DNMT3A: variants seen among roughly 807,000 people sequenced by gnomAD.
DNMT3A encodes the protein DNA (cytosine-5)-methyltransferase 3A.
DNMT3A carries 267 observed loss-of-function variants against 117.6 expected under a neutral mutation model. The observed-to-expected ratio is 2.27, with a 90% CI of 2.05 to 2.51. The LOEUF (loss-of-function observed/expected upper bound fraction) is 2.51, where lower values mean the gene tolerates loss of function less well. Among genes scored for constraint, DNMT3A ranks in the 30% most tolerant of loss-of-function variants. The pLI is 0.00. For missense variants in DNMT3A, 1,029 were observed against 1,260.2 expected (o/e 0.82, Z 2.78); for synonymous variants, 432 against 474.8 (o/e 0.91, Z 1.17).
chr2:25,285,093 T>C (rs540244013), intron 3 of DNMT3A, among the ~76,000 whole-genome samples: 18 of 152,294 alleles, frequency 1.2e-4, no homozygotes, highest in East Asian at 7.7e-4. Flanking sequence ...CGTGTTTCCA[T>C]GGGACGGAGT....
At chr2:25,258,959 CCAA>C (rs1350678063) in intron 6 of DNMT3A, among the ~76,000 whole-genome samples, 1 of 152,110 alleles carries the variant, frequency 6.6e-6, no homozygotes. Flanking sequence ...ATGGGGGAGC[CCAA>C]CTGCTGGAAA....
At chr2:25,312,993 G>C (rs2034200834) in intron 2 of DNMT3A, among the ~76,000 whole-genome samples, 1 of 152,318 alleles carries the variant, frequency 6.6e-6, no homozygotes, top group African/African-American at 2.4e-5. Flanking sequence ...GGGGAACTGT[G>C]GACAGAGGCA....
intron 1 of DNMT3A, among the ~76,000 whole-genome samples, chr2:25,322,369 C>A (rs868018487): frequency 1.3e-5 from 2 of 152,054 alleles, no homozygotes; most frequent in Admixed American, 6.6e-5. Context: ...ATGAAATCAT[C>A]ACGTCCCACA....
intron 1 of DNMT3A, among the ~76,000 whole-genome samples, chr2:25,340,528 G>A (rs561958058): frequency 1.5e-3 from 228 of 152,072 alleles, no homozygotes; most frequent in African/African-American, 5.4e-3. Flanking sequence ...GGGAGGGAAG[G>A]CAGGGCGGCC....
Position 25,293,032 on chromosome 2 carries a change from C to A in DNMT3A, c.177+7107G>T, listed in dbSNP as rs1296416511. On this transcript the variant is annotated intron_variant, in intron 3 of 22. Transcript: ENST00000321117. This position sits in a 1 kb window ranked among gnomAD's most constrained non-coding sequence, Gnocchi z 4.7. ...TTTGGAAAAAAAAAAAAAGGAGATT[C>A]TGAGATTCTACTTAAATGCTCCCCA... Among the ~76,000 whole-genome samples, 3 of 151,936 alleles carry A rather than the reference C, an allele frequency of 2.0e-5. No homozygotes were observed. The highest frequency in any genetic ancestry group is 4.4e-5 in the Non-Finnish European group (3 of 67,974).
At chr2:25,342,021 T>TC (rs1161836311), upstream of DNMT3A, 236 of 811,860 alleles carry the variant, frequency 2.9e-4, no homozygotes, top group African/African-American at 4.8e-3. The surrounding 1 kb of genome is among the most constrained non-coding windows in gnomAD (Gnocchi z 5.9). Flanking sequence ...CTCCGCCGGG[T>TC]CCCCCCCTCC....
In DNMT3A at chr2:25,281,731, C is replaced by T. The variant is rs1459748003; in HGVS notation, c.448+710G>A. 3 of 1,065,794 alleles carry T rather than the reference C, an allele frequency of 2.8e-6. No individual in the cohort carries two copies. The highest frequency in any genetic ancestry group is 3.4e-6 in the Non-Finnish European group (3 of 879,668). 66.0% of individuals were successfully genotyped at this position (1,065,794 alleles called of 1,614,324 possible). On this transcript the variant is annotated intron_variant, in intron 4 of 22. Coordinates refer to ENST00000321117, the MANE Select transcript of DNMT3A (RefSeq NM_022552.5). This position sits in a 1 kb window ranked among gnomAD's most constrained non-coding sequence, Gnocchi z 4.8. ...CTAACATGTTTACAGCTCGGTTGGC[C>T]CTGAAATTGCTGGCTTAACCTGAAA...
chr2:25,335,255 A>G (rs1040945125), intron 1 of DNMT3A, among the ~76,000 whole-genome samples: 2 of 152,178 alleles, frequency 1.3e-5, no homozygotes, highest in African/African-American at 4.8e-5. Context: ...TTACCCATGC[A>G]TTTATTTATC....
At chr2:25,249,244 G>C (rs938996930) in intron 6 of DNMT3A, among the ~76,000 whole-genome samples, 1 of 152,192 alleles carries the variant, frequency 6.6e-6, no homozygotes, top group African/African-American at 2.4e-5. Flanking sequence ...TAAAAAGCAA[G>C]GGGGACCCTC....
In DNMT3A at chr2:25,275,039, G is replaced by A. The variant is rs1247178186; in HGVS notation, c.541C>T (p.Arg181Cys). 6.2e-7 allele frequency: 1 copy of A among 1,606,492 alleles called. No individual in the cohort carries two copies. Among genetic ancestry groups the A allele is most frequent in the Non-Finnish European group, 8.5e-7 (1 of 1,176,986 alleles). Residue 181 changes from arginine to cysteine, a missense_variant, in exon 6 of 23, where the codon CGT (arginine) becomes TGT (cysteine). Arg to Cys is a radical substitution (Grantham distance 180). Coordinates refer to ENST00000321117, the MANE Select transcript of DNMT3A (RefSeq NM_022552.5). Reference protein sequence around the residue: ...RGGLGWESSLRQRPMPRLTFQ... With the variant: ...RGGLGWESSLCQRPMPRLTFQ... ...GTGAGCCTCGGCATGGGCCGCTGAC[G>A]GAGGCTGGACTCCCAGCCCAAGCCA...
intron 6 of DNMT3A, among the ~76,000 whole-genome samples, chr2:25,265,207 C>T (rs907629839): frequency 6.6e-6 from 1 of 152,216 alleles, no homozygotes; most frequent in Admixed American, 6.5e-5. Flanking sequence ...CTGAAAGGGA[C>T]CTGAGCCTCC....
intron 2 of DNMT3A, among the ~76,000 whole-genome samples, chr2:25,309,049 A>G (rs1351352323): frequency 6.6e-6 from 1 of 152,168 alleles, no homozygotes; most frequent in Non-Finnish European, 1.5e-5. Context: ...CAGCACAAAG[A>G]TGCACCCCAG....
intron 1 of DNMT3A, among the ~76,000 whole-genome samples, chr2:25,335,270 C>T (rs1236016229): frequency 6.6e-5 from 10 of 152,198 alleles, no homozygotes; most frequent in Admixed American, 5.9e-4. Flanking sequence ...TTTATCACTT[C>T]GGGAACCTAT....
At position 25,236,457 on chromosome 2, in the gene DNMT3A, C is replaced by G. The variant is rs1276251867; in HGVS notation, c.2478+479G>C. Among the ~76,000 whole-genome samples the G allele has an allele frequency of 6.6e-6, 1 of 152,126 alleles. No individual in the cohort carries two copies. Among genetic ancestry groups the G allele is most frequent in the Non-Finnish European group, 1.5e-5 (1 of 68,018 alleles). ...TTTCAGAGATGGAGTAACTTGTAGG[C>G]TAAAGGATGCCAAGTTACTGAGGGG... On this transcript the variant is annotated intron_variant, in intron 21 of 22. Transcript: ENST00000321117. The surrounding 1 kb of genome is among the most constrained non-coding windows in gnomAD (Gnocchi z 4.5).
In DNMT3A at chr2:25,300,173, A is replaced by C. The variant is rs1468737197; in HGVS notation, c.143T>G (p.Val48Gly). The C allele has an allele frequency of 6.2e-7, 1 of 1,613,054 alleles. No homozygotes were observed. The highest frequency in any genetic ancestry group is 8.5e-7 in the Non-Finnish European group (1 of 1,179,932). Residue 48 changes from valine (V) to glycine (G), a missense_variant, in exon 3 of 23, where the codon GTG (valine) becomes GGG (glycine). Physicochemically the swap from Val to Gly is moderately radical, Grantham distance 109. Transcript: ENST00000321117. Reference sequence around the variant, plus strand: ...CTTGCGCTTCCTCCCAGGCCGCCCCACCTTCCGTGCCGTGGTGCTGGGCTC... The same window carrying C: ...CTTGCGCTTCCTCCCAGGCCGCCCCCCCTTCCGTGCCGTGGTGCTGGGCTC... ...RQEPSTTARK[V>G]GRPGRKRKHP...
intron 6 of DNMT3A, among the ~76,000 whole-genome samples, chr2:25,272,320 A>G (rs1021181219): frequency 1.3e-5 from 2 of 152,220 alleles, no homozygotes; most frequent in Non-Finnish European, 2.9e-5. Context: ...GTAGAGACCT[A>G]AAATTGAGAA....
intron 3 of DNMT3A, among the ~76,000 whole-genome samples, chr2:25,291,992 C>T (rs888079520): frequency 6.6e-6 from 1 of 152,198 alleles, no homozygotes; most frequent in African/African-American, 2.4e-5. Flanking sequence ...CAGTGGCTCA[C>T]GCCTGTAATC....
intron 6 of DNMT3A, 94 bp downstream of exon 6, chr2:25,274,847 C>G: frequency 6.6e-7 from 1 of 1,516,162 alleles, no homozygotes; most frequent in Admixed American, 2.1e-5. Flanking sequence ...CCAGTAAGTT[C>G]TAAGGGTTAG....
At chr2:25,285,829 AG>A (rs1272902160) in intron 3 of DNMT3A, among the ~76,000 whole-genome samples, 1 of 152,162 alleles carries the variant, frequency 6.6e-6, no homozygotes, top group Non-Finnish European at 1.5e-5. Flanking sequence ...TCACCCTTCA[AG>A]GCTCAGTCAT....
Sources: gnomAD v4.1 joint callset for allele counts (sites outside exome capture counted in the v4.1 genomes callset) on GRCh38, gnomAD v4.1.1 for gene constraint, Gnocchi (gnomAD v3.1) non-coding constraint, MANE v1.5 for transcripts, NCBI Gene and HGNC (gene_info 2026-07-23, HGNC 2026-07-21) for gene names.